The following KCNQ1 variants were observed in gnomAD, a reference collection of about 807,000 sequenced individuals.
KCNQ1 encodes potassium voltage-gated channel subfamily Q member 1.
Under a neutral mutation model 72.4 loss-of-function variants are expected in KCNQ1, and 49 were observed. The ratio of observed to expected loss-of-function variants is 0.68; its 90% confidence interval spans 0.54 to 0.86. KCNQ1 has a LOEUF of 0.86. Ranked by LOEUF, KCNQ1 falls within the 40% of genes least tolerant of loss-of-function variation. The probability of loss-of-function intolerance (pLI) is 0.00; values close to 1 mark genes in which losing one functional copy is unlikely to be tolerated. For missense variants in KCNQ1, 790 were observed against 945.1 expected (o/e 0.84, Z 2.15); for synonymous variants, 450 against 412.6 (o/e 1.09, Z -1.10).
At position 2,581,087 on chromosome 11, in the gene KCNQ1, A is replaced by T. The variant is rs1848492207; in HGVS notation, c.922-2348A>T. On this transcript the variant is annotated intron_variant, in intron 6 of 15. Transcript: ENST00000155840. The stretch of plus-strand genomic sequence containing the variant: ...GAAGGGGTGAGTGTCCCCCCAAAAA[A>T]TCTGGATTAGACAGACTCTGGAGCC... Among the ~76,000 whole-genome samples the T allele has an allele frequency of 3.3e-5, 5 of 152,332 alleles. No homozygotes were observed. The South Asian group carries it at 1.0e-3, about 32-fold the overall frequency.
chr11:2,466,393 AGAG>A (rs1846352417), intron 1 of KCNQ1, among the ~76,000 whole-genome samples: 1 of 152,116 alleles, frequency 6.6e-6, no homozygotes, highest in Admixed American at 6.5e-5. Context: ...GGCTCCCAGA[AGAG>A]AGTGAGTTTT....
In KCNQ1 at chr11:2,595,747, C is replaced by T. The variant is rs567620729; in HGVS notation, c.1393+6893C>T. ...GCTAACACAACATCCATTCTGCAGC[C>T]CATAATCAAGGAGTAATGCCAACTT... On this transcript the variant is annotated intron_variant, in intron 10 of 15. Coordinates refer to ENST00000155840, the MANE Select transcript of KCNQ1 (RefSeq NM_000218.3). This position sits in a 1 kb window ranked among gnomAD's most constrained non-coding sequence, Gnocchi z 5.0. Among the ~76,000 whole-genome samples the T allele has an allele frequency of 1.6e-4, 25 of 152,160 alleles. No individual in the cohort carries two copies. Among genetic ancestry groups the T allele is most frequent in the African/African-American group, 5.8e-4 (24 of 41,496 alleles).
intron 1 of KCNQ1, among the ~76,000 whole-genome samples, chr11:2,525,062 G>A (rs1241293888): frequency 7.2e-5 from 11 of 152,212 alleles, no homozygotes; most frequent in African/African-American, 2.7e-4. Context: ...TGGTAGGGTG[G>A]AGAGAGCCAA....
chr11:2,560,326 G>T (rs1287892760), intron 2 of KCNQ1, among the ~76,000 whole-genome samples: 1 of 69,796 alleles, frequency 1.4e-5, no homozygotes, highest in Non-Finnish European at 2.9e-5. Context: ...TGAGGGAACA[G>T]GGGGGTGACG....
chr11:2,847,283 A>T (rs1333637648), intron 15 of KCNQ1, among the ~76,000 whole-genome samples: 3 of 152,174 alleles, frequency 2.0e-5, no homozygotes, highest in Non-Finnish European at 4.4e-5. Flanking sequence ...CCCTCTGTCC[A>T]GTTCTCCTCC....
At chr11:2,530,620 GTATC>G (rs1034642918) in intron 2 of KCNQ1, among the ~76,000 whole-genome samples, 4 of 152,224 alleles carry the variant, frequency 2.6e-5, no homozygotes, top group African/African-American at 9.6e-5. Context: ...GTGTGCATCT[GTATC>G]TGAGTATTAT....
intron 6 of KCNQ1, among the ~76,000 whole-genome samples, chr11:2,574,045 G>A (rs549560586): frequency 2.0e-5 from 3 of 152,172 alleles, no homozygotes; most frequent in East Asian, 1.9e-4. Context: ...GAAAGTCGGC[G>A]TTTATATATG....
At position 2,784,905 on chromosome 11, in the gene KCNQ1, T is replaced by G. The variant is rs1846884116; in HGVS notation, c.1794+6868T>G. 6.6e-6 allele frequency among the ~76,000 whole-genome samples: 1 copy of G among 152,044 alleles called. No individual in the cohort carries two copies. Among genetic ancestry groups the G allele is most frequent in the Non-Finnish European group, 1.5e-5 (1 of 67,864 alleles). On this transcript the variant is annotated intron_variant, in intron 15 of 15. Transcript: ENST00000155840. The surrounding 1 kb of genome is among the most constrained non-coding windows in gnomAD (Gnocchi z 4.7). ...AAACTGACTTTTCTATTCTTGGCTTTAGCCATTTTTGTTGTTGCTATTGAT... is the reference window on the plus strand; with the variant it reads ...AAACTGACTTTTCTATTCTTGGCTTGAGCCATTTTTGTTGTTGCTATTGAT...
At position 2,446,851 on chromosome 11, in the gene KCNQ1, G is replaced by A. The variant is rs1300778482; in HGVS notation, c.386+1367G>A. Among the ~76,000 whole-genome samples the A allele has an allele frequency of 6.6e-6, 1 of 152,258 alleles. No homozygotes were observed. Among genetic ancestry groups the A allele is most frequent in the African/African-American group, 2.4e-5 (1 of 41,468 alleles). ...GGCTCTGCTCGTGGCTGCAACAGCG[G>A]GGGCTCGGCTTGGGGTTTGGGAGAT... On this transcript the variant is annotated intron_variant, in intron 1 of 15. Coordinates refer to ENST00000155840, the MANE Select transcript of KCNQ1 (RefSeq NM_000218.3). This position sits in a 1 kb window ranked among gnomAD's most constrained non-coding sequence, Gnocchi z 8.8.
intron 8 of KCNQ1, among the ~76,000 whole-genome samples, chr11:2,586,843 T>C (rs990172609): frequency 5.9e-5 from 9 of 152,216 alleles, no homozygotes; most frequent in Admixed American, 5.2e-4. Context: ...TGGCCAGTGA[T>C]GACAAGGCCA....
At chr11:2,455,688 C>A (rs1846182673) in intron 1 of KCNQ1, among the ~76,000 whole-genome samples, 1 of 152,198 alleles carries the variant, frequency 6.6e-6, no homozygotes, top group African/African-American at 2.4e-5. Flanking sequence ...ACCAATGCCA[C>A]TTTTCATAGA....
intron 10 of KCNQ1, chr11:2,622,624 C>G: frequency 2.5e-6 from 1 of 398,524 alleles, no homozygotes; most frequent in East Asian, 3.6e-5. Context: ...ACATTTCCTC[C>G]CTTACTGCCT....
At position 2,672,384 on chromosome 11, in the gene KCNQ1, C is replaced by T; in HGVS notation, c.1514+10303C>T. 1.2e-5 allele frequency: 4 copies of T among 346,784 alleles called. No individual in the cohort carries two copies. The East Asian group carries it at 1.5e-4, about 13-fold the overall frequency. The allele number at this position is 346,784 out of a possible 1,614,324, so 21.5% of individuals were successfully genotyped here. On this transcript the variant is annotated intron_variant, in intron 11 of 15. Transcript: ENST00000155840. ...GCCTTCACAGGCTGATATGATTGAG[C>T]TCAGGCTGGTATGGGTTAGGGGATG...
rs936687618 is a variant in KCNQ1, at chr11:2,818,162, G to A, written c.1795-29605G>A. On this transcript the variant is annotated intron_variant, in intron 15 of 15. Coordinates refer to ENST00000155840, the MANE Select transcript of KCNQ1 (RefSeq NM_000218.3). This position sits in a 1 kb window ranked among gnomAD's most constrained non-coding sequence, Gnocchi z 7.2. ...GCTGGCCCTCAGAGTGGGAGCGCGT[G>A]CCCCAACTTCCGAGCCCTAGGAAAG... Among the ~76,000 whole-genome samples the A allele has an allele frequency of 2.6e-5, 4 of 152,164 alleles. No homozygotes were observed. The highest frequency in any genetic ancestry group is 4.4e-5 in the Non-Finnish European group (3 of 68,034).
chr11:2,460,216 C>T (rs1307353187), intron 1 of KCNQ1, among the ~76,000 whole-genome samples: 1 of 152,186 alleles, frequency 6.6e-6, no homozygotes, highest in Admixed American at 6.5e-5. Flanking sequence ...GGGTGAGTCC[C>T]TGCGTGACCT....
Position 2,537,513 on chromosome 11 carries a change from G to A in KCNQ1, c.477+9495G>A, listed in dbSNP as rs1027433125. On this transcript the variant is annotated intron_variant, in intron 2 of 15. Transcript: ENST00000155840. The surrounding 1 kb of genome is among the most constrained non-coding windows in gnomAD (Gnocchi z 5.2). ...ACGTTTCTACAGTGCCCAGGTTGGC[G>A]CAGGGCCTTTTGGTTCCACAGTCTG... is the stretch of plus-strand genomic sequence containing the variant. 6.6e-5 allele frequency among the ~76,000 whole-genome samples: 10 copies of A among 152,028 alleles called. No individual in the cohort carries two copies. Among genetic ancestry groups the A allele is most frequent in the South Asian group, 2.1e-4 (1 of 4,818 alleles).
intron 1 of KCNQ1, among the ~76,000 whole-genome samples, chr11:2,520,461 C>T (rs1407059422): frequency 6.6e-6 from 1 of 152,174 alleles, no homozygotes; most frequent in East Asian, 1.9e-4. Context: ...GGGACCTTGG[C>T]GACCTCCAAA....
rs1322921471 is a variant in KCNQ1 at position 2,689,585 on chromosome 11, T to TG, written c.1514+27505dup. ...TGATGTGGAAATCTGTTAGCAGTGGTGTCTTCTAGATTCTCAAGGATCCGG... is the reference window on the plus strand; with the variant it reads ...TGATGTGGAAATCTGTTAGCAGTGGTGGTCTTCTAGATTCTCAAGGATCCGG... On this transcript the variant is annotated intron_variant, in intron 11 of 15. Coordinates refer to ENST00000155840, the MANE Select transcript of KCNQ1 (RefSeq NM_000218.3). 1.8e-5 allele frequency: 7 copies of TG among 398,570 alleles called. No homozygotes were observed. The Admixed American group carries it at 3.1e-4, about 18-fold the overall frequency. 24.7% of individuals were successfully genotyped at this position (398,570 alleles called of 1,614,324 possible).
At position 2,492,176 on chromosome 11, in the gene KCNQ1, T is replaced by C. The variant is rs985283814; in HGVS notation, c.387-35752T>C. Among the ~76,000 whole-genome samples, 1 of 152,148 alleles carries C rather than the reference T, an allele frequency of 6.6e-6. No individual in the cohort carries two copies. The highest frequency in any genetic ancestry group is 2.4e-5 in the African/African-American group (1 of 41,422). ...GGTAATACATACACAGAAATACAAA[T>C]AGTATTATAACACTGTAATTATGGT... On this transcript the variant is annotated intron_variant, in intron 1 of 15. Coordinates refer to ENST00000155840, the MANE Select transcript of KCNQ1 (RefSeq NM_000218.3). This position sits in a 1 kb window ranked among gnomAD's most constrained non-coding sequence, Gnocchi z 4.1.
Sources: allele counts gnomAD v4.1 joint callset (sites outside exome capture counted in the v4.1 genomes callset), GRCh38; gene constraint gnomAD v4.1.1; non-coding constraint Gnocchi (gnomAD v3.1); transcripts MANE v1.5; gene names NCBI Gene and HGNC (gene_info 2026-07-23, HGNC 2026-07-21).